PIK3C2G: variants seen among roughly 807,000 people sequenced by gnomAD.
PIK3C2G encodes the protein phosphatidylinositol-4-phosphate 3-kinase catalytic subunit type 2 gamma, also known as phosphatidylinositol 3-kinase C2 domain-containing subunit gamma.
PIK3C2G carries 168 observed loss-of-function variants against 181.1 expected under a neutral mutation model. The ratio of observed to expected loss-of-function variants is 0.93; its 90% CI spans 0.82 to 1.05. PIK3C2G has a LOEUF of 1.05. Among genes scored for constraint, PIK3C2G ranks in the 50% least tolerant of loss-of-function variants. The pLI is 0.00. For missense variants in PIK3C2G, 1,869 were observed against 1,732.8 expected (o/e 1.08, Z -1.40); for synonymous variants, 573 against 592.2 (o/e 0.97, Z 0.47).
chr12:18,559,798 AT>A (rs1945219834), intron 26 of PIK3C2G, among the ~76,000 whole-genome samples: 2 of 54,466 alleles, frequency 3.7e-5, no homozygotes, highest in African/African-American at 1.3e-4. Flanking sequence ...ATATATATAT[AT>A]ATATATATAT....
At chr12:18,586,217 A>G (rs1946767880) in intron 29 of PIK3C2G, among the ~76,000 whole-genome samples, 1 of 152,154 alleles carries the variant, frequency 6.6e-6, no homozygotes, top group African/African-American at 2.4e-5. Flanking sequence ...ATATGAAATA[A>G]CCAAAATCAG....
chr12:18,511,984 T>C (rs1405854142), intron 24 of PIK3C2G, among the ~76,000 whole-genome samples: 1 of 152,022 alleles, frequency 6.6e-6, no homozygotes. Context: ...TTTTGAGCTA[T>C]TTTTTGTGGT....
intron 13 of PIK3C2G, among the ~76,000 whole-genome samples, chr12:18,378,579 C>A (rs985461634): frequency 2.6e-5 from 4 of 152,050 alleles, no homozygotes; most frequent in Non-Finnish European, 4.4e-5. Context: ...AGTGAACAGG[C>A]AACCTACAGA....
chr12:18,422,901 A>C (rs1323373231), intron 17 of PIK3C2G, among the ~76,000 whole-genome samples: 2 of 152,086 alleles, frequency 1.3e-5, no homozygotes, highest in Admixed American at 1.3e-4. Context: ...ACAGTTTAAG[A>C]CAGCACACAT....
chr12:18,489,659 C>CA lies in PIK3C2G; in HGVS notation c.2685+1038dup, dbSNP rs1195937560. 6.6e-5 allele frequency among the ~76,000 whole-genome samples: 10 copies of CA among 151,398 alleles called. No homozygotes were observed. In the East Asian group the frequency reaches 1.2e-3, roughly 18 times the overall value. On this transcript the variant is annotated intron_variant, in intron 19 of 32. Transcript: ENST00000538779. ...AAGGCATATAATAGGATAAGCAATGCAAAAAAAAGTTCTATGATTTTTTAA... is the reference window on the plus strand; with the variant it reads ...AAGGCATATAATAGGATAAGCAATGCAAAAAAAAAGTTCTATGATTTTTTAA...
chr12:18,578,359 T>C (rs2136409300), intron 29 of PIK3C2G, among the ~76,000 whole-genome samples: 1 of 152,264 alleles, frequency 6.6e-6, no homozygotes, highest in East Asian at 1.9e-4. Context: ...ATAATATTCA[T>C]TATATGAGTT....
At chr12:18,247,518 T>G (rs1273217208), upstream of PIK3C2G, 2 of 152,228 alleles carry the variant, frequency 1.3e-5, no homozygotes, top group African/African-American at 4.8e-5. Context: ...GACCCACTGG[T>G]GGCCAATGCA....
rs11044030 is a variant in PIK3C2G at position 18,339,397 on chromosome 12, A to G, written c.1395+849A>G. Among the ~76,000 whole-genome samples the G allele has an allele frequency of 4.6e-3, 694 of 152,200 alleles. 2 individuals carry two copies. The highest frequency in any genetic ancestry group is 0.016 in the African/African-American group (652 of 41,546). On this transcript the variant is annotated intron_variant, in intron 9 of 32. Transcript: ENST00000538779. ...TCATAAAGTTGGTATTTTAATGTTC[A>G]TTTCACTATGAAAACTCAACACTTA...
intron 5 of PIK3C2G, among the ~76,000 whole-genome samples, chr12:18,313,197 A>G (rs1421899352): frequency 6.6e-6 from 1 of 152,194 alleles, no homozygotes; most frequent in Non-Finnish European, 1.5e-5. Flanking sequence ...ATCAAATTGT[A>G]TTTATAAGAA....
the PIK3C2G span, among the ~76,000 whole-genome samples, chr12:18,688,585 T>C: frequency 6.6e-6 from 1 of 151,866 alleles, no homozygotes; most frequent in Non-Finnish European, 1.5e-5. Flanking sequence ...GGAAAAAATT[T>C]AAAGCAATAG....
chr12:18,451,635 G>T (rs1468036810), intron 18 of PIK3C2G, among the ~76,000 whole-genome samples: 1 of 152,162 alleles, frequency 6.6e-6, no homozygotes, highest in Non-Finnish European at 1.5e-5. Flanking sequence ...GTGAGAGAGG[G>T]CATCCTTATC....
intron 11 of PIK3C2G, among the ~76,000 whole-genome samples, chr12:18,355,169 G>A (rs1026801017): frequency 1.3e-5 from 2 of 152,168 alleles, no homozygotes; most frequent in Non-Finnish European, 2.9e-5. Flanking sequence ...CCTCAGATCT[G>A]GTTTTCCTTC....
the PIK3C2G span, among the ~76,000 whole-genome samples, chr12:18,677,284 C>A: frequency 1.2e-3 from 185 of 152,020 alleles, no homozygotes; most frequent in Non-Finnish European, 2.5e-3. Context: ...AGATGGCGAG[C>A]AAGACAGTTT....
At chr12:18,398,290 T>G (rs796821900) in intron 15 of PIK3C2G, among the ~76,000 whole-genome samples, 1 of 152,126 alleles carries the variant, frequency 6.6e-6, no homozygotes. Context: ...GGGAAAAAAA[T>G]TTAATCTGAG....
chr12:18,667,362 A>C, the PIK3C2G span, among the ~76,000 whole-genome samples: 1 of 152,170 alleles, frequency 6.6e-6, no homozygotes, highest in Non-Finnish European at 1.5e-5. Context: ...AACTGTTATA[A>C]ACTGATGGGC....
At chr12:18,473,003 T>G (rs555782829) in intron 18 of PIK3C2G, among the ~76,000 whole-genome samples, 1 of 152,204 alleles carries the variant, frequency 6.6e-6, no homozygotes, top group South Asian at 2.1e-4. Context: ...CATGGCCTAT[T>G]TTGATGTTTT....
At chr12:18,502,301 T>G (rs181074691) in intron 22 of PIK3C2G, among the ~76,000 whole-genome samples, 5 of 152,322 alleles carry the variant, frequency 3.3e-5, no homozygotes, top group Admixed American at 3.3e-4. Flanking sequence ...ACTTTAATGT[T>G]GTTTAATTTG....
chr12:18,370,298 T>G (rs894890449), intron 12 of PIK3C2G, among the ~76,000 whole-genome samples: 1 of 152,158 alleles, frequency 6.6e-6, no homozygotes, highest in Non-Finnish European at 1.5e-5. Context: ...ATATTGATGA[T>G]TTCAACCCAA....
intron 11 of PIK3C2G, among the ~76,000 whole-genome samples, chr12:18,354,074 G>T (rs1565629014): frequency 6.6e-6 from 1 of 152,212 alleles, no homozygotes; most frequent in African/African-American, 2.4e-5. Flanking sequence ...TCTGTCACTT[G>T]CAGAGCAGTC....
Sources: gnomAD v4.1 joint callset for allele counts (sites outside exome capture counted in the v4.1 genomes callset) on GRCh38, gnomAD v4.1.1 for gene constraint, MANE v1.5 for transcripts, NCBI Gene and HGNC (gene_info 2026-07-23, HGNC 2026-07-21) for gene names.